The following GPHN variants were observed in gnomAD, a reference collection of about 807,000 sequenced individuals.
The protein encoded by GPHN is gephyrin.
GPHN carries 17 observed loss-of-function variants against 95.5 expected under a neutral mutation model. The ratio of observed to expected loss-of-function variants is 0.18; its 90% confidence interval spans 0.12 to 0.27. GPHN has a LOEUF of 0.27. GPHN is among the 10% of genes least tolerant of loss of function. The pLI is 1.00. For synonymous variants in GPHN, 320 were observed against 322.5 expected (o/e 0.99, Z 0.08); for missense variants, 660 against 978.1 (o/e 0.67, Z 4.34).
chr14:67,359,651 T>G, the GPHN span: 3 of 1,613,990 alleles, frequency 1.9e-6, no homozygotes, highest in African/African-American at 2.7e-5. Flanking sequence ...CCCATTCCTT[T>G]ACTTACATTC....
the GPHN span, among the ~76,000 whole-genome samples, chr14:67,481,848 C>T: frequency 6.6e-6 from 1 of 152,174 alleles, no homozygotes; most frequent in Non-Finnish European, 1.5e-5. Flanking sequence ...ACCGGCAGCT[C>T]AGGGGACCTT....
At chr14:66,578,975 G>A (rs1191039346) in intron 1 of GPHN, among the ~76,000 whole-genome samples, 1 of 151,744 alleles carries the variant, frequency 6.6e-6, no homozygotes, top group African/African-American at 2.4e-5. Context: ...TATATCTTTA[G>A]TAAGAAGGTT....
chr14:66,658,205 T>C (rs2065417897), intron 1 of GPHN, among the ~76,000 whole-genome samples: 1 of 152,172 alleles, frequency 6.6e-6, no homozygotes, highest in Non-Finnish European at 1.5e-5. Flanking sequence ...AGCCGGAAGA[T>C]GTGACTGAAT....
At chr14:67,167,245 G>A (rs116993001) in intron 20 of GPHN, among the ~76,000 whole-genome samples, 2,925 of 152,084 alleles carry the variant, frequency 0.019, 38 homozygotes, top group Middle Eastern at 0.034. Context: ...GTCCTTTTTC[G>A]TACATAGCAA....
At chr14:67,534,882 C>G in the GPHN span, among the ~76,000 whole-genome samples, 1 of 152,112 alleles carries the variant, frequency 6.6e-6, no homozygotes, top group African/African-American at 2.4e-5. Context: ...TTCAGATATA[C>G]TCTGATGTAT....
At chr14:66,564,028 A>C (rs1450424679) in intron 1 of GPHN, among the ~76,000 whole-genome samples, 1 of 152,204 alleles carries the variant, frequency 6.6e-6, no homozygotes, top group Admixed American at 6.5e-5. Context: ...AGAGGGCATG[A>C]ACGTATATGA....
the GPHN span, among the ~76,000 whole-genome samples, chr14:67,489,713 G>A: frequency 8.5e-5 from 13 of 152,286 alleles, no homozygotes; most frequent in African/African-American, 2.9e-4. Context: ...CTATGTAGCC[G>A]GGCGCGGTGG....
intron 3 of GPHN, among the ~76,000 whole-genome samples, chr14:66,781,992 G>A (rs1341189726): frequency 9.2e-5 from 14 of 152,052 alleles, no homozygotes; most frequent in Non-Finnish European, 4.4e-5. Flanking sequence ...CATCTTGAAT[G>A]CATTTATTTT....
chr14:66,626,316 TATG>T (rs1788129515), intron 1 of GPHN, among the ~76,000 whole-genome samples: 1 of 152,170 alleles, frequency 6.6e-6, no homozygotes, highest in South Asian at 2.1e-4. Flanking sequence ...CTATATTAAA[TATG>T]ATGTTTCTCC....
chr14:66,977,399 C>A (rs920459440), intron 9 of GPHN, among the ~76,000 whole-genome samples: 1 of 151,870 alleles, frequency 6.6e-6, no homozygotes, highest in Non-Finnish European at 1.5e-5. Context: ...CCATTGCACT[C>A]CAGCCTGGGT....
chr14:67,702,143 T>A, the GPHN span, among the ~76,000 whole-genome samples: 16 of 151,806 alleles, frequency 1.1e-4, no homozygotes, highest in African/African-American at 1.9e-4. Flanking sequence ...ATATATATAT[T>A]TTTTAAATGG....
intron 1 of GPHN, among the ~76,000 whole-genome samples, chr14:66,623,650 C>T (rs1398501200): frequency 4.1e-5 from 6 of 148,006 alleles, no homozygotes; most frequent in Non-Finnish European, 7.4e-5. Flanking sequence ...CAAAGTCATG[C>T]TTATTGGTGT....
chr14:67,349,049 C>G, the GPHN span: 1 of 1,614,062 alleles, frequency 6.2e-7, no homozygotes, highest in Non-Finnish European at 8.5e-7. Context: ...GCTACATTAT[C>G]TTTCTTCGCT....
At chr14:67,260,071 A>G in the GPHN span, among the ~76,000 whole-genome samples, 1 of 152,216 alleles carries the variant, frequency 6.6e-6, no homozygotes, top group African/African-American at 2.4e-5. Context: ...AAAGGAAAAT[A>G]TTAGTTTAAT....
the GPHN span, among the ~76,000 whole-genome samples, chr14:67,420,408 G>A: frequency 6.6e-6 from 1 of 152,220 alleles, no homozygotes; most frequent in Admixed American, 6.5e-5. Context: ...ACGTGTGACC[G>A]GTAGCAGGTG....
At chr14:67,084,969 C>T (rs965211543) in intron 11 of GPHN, among the ~76,000 whole-genome samples, 1 of 152,204 alleles carries the variant, frequency 6.6e-6, no homozygotes, top group Non-Finnish European at 1.5e-5. Flanking sequence ...CCACATTGTG[C>T]TAAACGATTC....
chr14:67,370,200 T>C, the GPHN span, among the ~76,000 whole-genome samples: 1,292 of 152,340 alleles, frequency 8.5e-3, 12 homozygotes, highest in Admixed American at 0.018. Context: ...TTGCCCTCAT[T>C]CCTGTAAACC....
intron 15 of GPHN, 97 bp from the exon 16 acceptor site, chr14:67,112,921 C>A: frequency 9.4e-7 from 1 of 1,065,212 alleles, no homozygotes; most frequent in Non-Finnish European, 1.5e-6. Flanking sequence ...ACTTTTTTGT[C>A]TTCTTGAATG....
At chr14:67,488,949 G>A in the GPHN span, among the ~76,000 whole-genome samples, 1 of 152,150 alleles carries the variant, frequency 6.6e-6, no homozygotes, top group Non-Finnish European at 1.5e-5. Context: ...AGATGATGGT[G>A]CACCTCTCCC....
Sources: allele counts gnomAD v4.1 joint callset (sites outside exome capture counted in the v4.1 genomes callset), GRCh38; gene constraint gnomAD v4.1.1; transcripts MANE v1.5; gene names NCBI Gene and HGNC (gene_info 2026-07-23, HGNC 2026-07-21).